Variants in IL7 observed in about 807,000 individuals in gnomAD.
IL7 encodes the protein interleukin-7.
IL7 carries 3 observed loss-of-function variants against 21.6 expected under a neutral mutation model. That is an observed-to-expected ratio of 0.14 (90% CI 0.06 to 0.36). IL7 has a LOEUF of 0.36. Among genes scored for constraint, IL7 ranks in the 10% least tolerant of loss-of-function variants. IL7 has a pLI of 1.00. For missense variants in IL7, 175 were observed against 200.2 expected (o/e 0.87, Z 0.76); for synonymous variants, 62 against 68.1 (o/e 0.91, Z 0.44).
chr8:78,752,049 G>T (rs534006338), intron 2 of IL7, among the ~76,000 whole-genome samples: 4 of 152,192 alleles, frequency 2.6e-5, no homozygotes, highest in Non-Finnish European at 4.4e-5. Flanking sequence ...TGACCGATTT[G>T]GCTTAATATA....
chr8:78,716,109 T>G (rs1811093211), downstream of IL7, among the ~76,000 whole-genome samples: 1 of 151,432 alleles, frequency 6.6e-6, no homozygotes. Flanking sequence ...ATTACTGTTT[T>G]TTTTTGTTTT....
At chr8:78,757,148 G>A (rs1173131157) in intron 2 of IL7, among the ~76,000 whole-genome samples, 2 of 151,476 alleles carry the variant, frequency 1.3e-5, no homozygotes, top group South Asian at 4.2e-4. Flanking sequence ...TTAATCTAAT[G>A]ATCACTTTGA....
At chr8:78,765,393 C>G (rs1228671361) in intron 2 of IL7, among the ~76,000 whole-genome samples, 3 of 151,892 alleles carry the variant, frequency 2.0e-5, no homozygotes, top group South Asian at 4.1e-4. Context: ...AATGAGATTA[C>G]AAGCCACAGA....
chr8:78,764,001 A>G (rs1197760443), intron 2 of IL7, among the ~76,000 whole-genome samples: 1 of 152,178 alleles, frequency 6.6e-6, no homozygotes, highest in Non-Finnish European at 1.5e-5. Flanking sequence ...CTACACCACA[A>G]TTGAGTGGAT....
downstream of IL7, among the ~76,000 whole-genome samples, chr8:78,713,292 G>A (rs1485679759): frequency 6.6e-6 from 1 of 151,912 alleles, no homozygotes; most frequent in Non-Finnish European, 1.5e-5. Flanking sequence ...AAAAATAAAT[G>A]ACAGGTATTT....
intron 2 of IL7, among the ~76,000 whole-genome samples, chr8:78,748,029 T>C (rs933015561): frequency 6.6e-6 from 1 of 152,148 alleles, no homozygotes; most frequent in African/African-American, 2.4e-5. Flanking sequence ...ATGGCCTGTA[T>C]GTGGCTAGAA....
downstream of IL7, chr8:78,717,225 T>C: frequency 9.5e-7 from 1 of 1,049,752 alleles, no homozygotes; most frequent in Non-Finnish European, 1.3e-6. Flanking sequence ...AAAAACGAGA[T>C]TAAGCAGGCT....
downstream of IL7, among the ~76,000 whole-genome samples, chr8:78,716,822 A>G (rs1811121526): frequency 6.6e-6 from 1 of 152,066 alleles, no homozygotes; most frequent in African/African-American, 2.4e-5. Flanking sequence ...GGACTTCCCC[A>G]TTGCTGTTCT....
At chr8:78,684,681 T>C (rs1230325846) in intron 4 of IL7, among the ~76,000 whole-genome samples, 1 of 152,166 alleles carries the variant, frequency 6.6e-6, no homozygotes, top group Non-Finnish European at 1.5e-5. Flanking sequence ...TAGGTTACTA[T>C]GCAAAAATAA....
chr8:78,686,113 G>A (rs1809961421), intron 3 of IL7, among the ~76,000 whole-genome samples: 1 of 152,120 alleles, frequency 6.6e-6, no homozygotes, highest in Admixed American at 6.6e-5. Context: ...TCACCTTTCA[G>A]ATGTCCCCAC....
At chr8:78,743,003 A>G (rs1318804480) in intron 2 of IL7, among the ~76,000 whole-genome samples, 1 of 152,158 alleles carries the variant, frequency 6.6e-6, no homozygotes, top group African/African-American at 2.4e-5. Context: ...TTCCTGCATT[A>G]GTTTGCTAAG....
At chr8:78,754,565 A>G (rs548671433) in intron 2 of IL7, among the ~76,000 whole-genome samples, 5 of 152,324 alleles carry the variant, frequency 3.3e-5, no homozygotes, top group African/African-American at 9.6e-5. Flanking sequence ...GAACCAAAAA[A>G]GAGCCCGTAT....
At chr8:78,734,634 A>G (rs900165013) in intron 5 of IL7, among the ~76,000 whole-genome samples, 1 of 152,208 alleles carries the variant, frequency 6.6e-6, no homozygotes, top group Non-Finnish European at 1.5e-5. Flanking sequence ...TAAAATCAAC[A>G]TAGTGTTTTC....
chr8:78,769,434 A>G (rs1163955214), intron 2 of IL7, among the ~76,000 whole-genome samples: 5 of 152,106 alleles, frequency 3.3e-5, no homozygotes, highest in East Asian at 1.9e-4. Context: ...CCCATTCACA[A>G]TTGCTTCAAA....
chr8:78,732,706 G>T (rs1353873156), downstream of IL7: 1 of 152,066 alleles, frequency 6.6e-6, no homozygotes, highest in Non-Finnish European at 1.5e-5. Flanking sequence ...AAATTAAAGA[G>T]CAGTGAAGTA....
intron 5 of IL7, among the ~76,000 whole-genome samples, chr8:78,735,276 C>CTT: frequency 0.032 from 2,529 of 78,358 alleles, 43 homozygotes; most frequent in Non-Finnish European, 0.038. Context: ...CTTTTCTTTT[C>CTT]TTTTTTTTTT....
At chr8:78,735,300 T>A (rs1434931103) in intron 5 of IL7, among the ~76,000 whole-genome samples, 1 of 133,850 alleles carries the variant, frequency 7.5e-6, no homozygotes, top group Non-Finnish European at 1.6e-5. Flanking sequence ...TTTGTTTTTT[T>A]TTTTTTGCTC....
downstream of IL7, among the ~76,000 whole-genome samples, chr8:78,713,583 A>G (rs1811012521): frequency 6.6e-6 from 1 of 152,206 alleles, no homozygotes; most frequent in South Asian, 2.1e-4. Flanking sequence ...GGCTATACAC[A>G]AGAGTAGAGT....
chr8:78,802,390 C>A (rs974756686), intron 1 of IL7, among the ~76,000 whole-genome samples: 1 of 151,536 alleles, frequency 6.6e-6, no homozygotes, highest in Non-Finnish European at 1.5e-5. Context: ...ATCTGGGGCA[C>A]AAAGACAGTC....
Sources: allele counts gnomAD v4.1 joint callset (sites outside exome capture counted in the v4.1 genomes callset), GRCh38; gene constraint gnomAD v4.1.1; transcripts MANE v1.5; gene names NCBI Gene and HGNC (gene_info 2026-07-23, HGNC 2026-07-21).